HLCS: variants seen among roughly 807,000 people sequenced by gnomAD.
HLCS encodes biotin--protein ligase.
HLCS carries 53 observed loss-of-function variants against 75.0 expected under a neutral mutation model. That is an observed-to-expected ratio of 0.71 (90% CI 0.57 to 0.89). The LOEUF (loss-of-function observed/expected upper bound fraction) is 0.89, where lower values mean the gene tolerates loss of function less well. Among genes scored for constraint, HLCS ranks in the 40% least tolerant of loss-of-function variants. HLCS has a pLI of 0.00. For missense variants in HLCS, 966 were observed against 1,074.0 expected (o/e 0.90, Z 1.41); for synonymous variants, 431 against 428.6 (o/e 1.01, Z -0.07).
At chr21:36,833,886 G>T (rs1238623012) in intron 6 of HLCS, among the ~76,000 whole-genome samples, 3 of 152,178 alleles carry the variant, frequency 2.0e-5, no homozygotes, top group Admixed American at 1.3e-4. Context: ...GGGAAGAGAT[G>T]ATTCTCCTTT....
chr21:36,849,823 A>AT (rs900493103), intron 6 of HLCS, among the ~76,000 whole-genome samples: 16 of 152,348 alleles, frequency 1.1e-4, no homozygotes, highest in Admixed American at 1.0e-3. Context: ...GTTTGCAATC[A>AT]TGAACCTTGA....
chr21:36,977,780 T>G (rs2068981332), intron 1 of HLCS, among the ~76,000 whole-genome samples: 1 of 152,102 alleles, frequency 6.6e-6, no homozygotes, highest in Non-Finnish European at 1.5e-5. Context: ...GTTCCACAGC[T>G]CCAATGCAGG....
At chr21:36,836,254 T>C (rs1276506712) in intron 6 of HLCS, among the ~76,000 whole-genome samples, 14 of 152,118 alleles carry the variant, frequency 9.2e-5, no homozygotes, top group Admixed American at 6.6e-4. Flanking sequence ...AGAGCTACAC[T>C]TACCCTGGGG....
chr21:36,937,121 C>T lies in HLCS; in HGVS notation c.765G>A (p.Glu255=). 6.2e-7 allele frequency: 1 copy of T among 1,614,200 alleles called. No homozygotes were observed. The highest frequency in any genetic ancestry group is 8.5e-7 in the Non-Finnish European group (1 of 1,180,034). ...HYHLHLSSCH[E]CLELENSTIE... ...TGGTGCTGTTCTCAAGTTCCAGACACTCGTGGCAACTAGACAGATGGAGGT... is the reference window on the plus strand; with the variant it reads ...TGGTGCTGTTCTCAAGTTCCAGACATTCGTGGCAACTAGACAGATGGAGGT... The change falls in exon 4 of 11, where the codon GAG becomes GAA. Residue 255 remains glutamate, a synonymous_variant. Coordinates refer to ENST00000674895, the MANE Select transcript of HLCS (RefSeq NM_001352514.2).
rs532623356 is a variant in HLCS at position 36,825,823 on chromosome 21, C to T, written c.1893-58538G>A. Among the ~76,000 whole-genome samples, 3 of 152,326 alleles carry T rather than the reference C, an allele frequency of 2.0e-5. No individual in the cohort carries two copies. The East Asian group carries it at 5.8e-4, about 29-fold the overall frequency. On this transcript the variant is annotated intron_variant, in intron 6 of 10. Coordinates refer to ENST00000674895, the MANE Select transcript of HLCS (RefSeq NM_001352514.2). ...CTAGAACAATTTCACGGATAAAAGACACCTGCTGGTGATATATGACTTCAA... is the reference window on the plus strand; with the variant it reads ...CTAGAACAATTTCACGGATAAAAGATACCTGCTGGTGATATATGACTTCAA...
chr21:36,930,599 C>A (rs2066596255), intron 4 of HLCS, among the ~76,000 whole-genome samples, 166 bp from the exon 5 acceptor site: 1 of 152,008 alleles, frequency 6.6e-6, no homozygotes, highest in Admixed American at 6.6e-5. Context: ...CCCACCTCAG[C>A]CTCCCAAAGT....
chr21:36,853,375 G>A (rs1296812384), intron 6 of HLCS, among the ~76,000 whole-genome samples: 2 of 152,146 alleles, frequency 1.3e-5, no homozygotes, highest in African/African-American at 2.4e-5. Flanking sequence ...AAGTATCCTG[G>A]AAGCGTAAAA....
chr21:36,972,470 T>C (rs2068817325), intron 1 of HLCS, among the ~76,000 whole-genome samples: 1 of 152,144 alleles, frequency 6.6e-6, no homozygotes, highest in South Asian at 2.1e-4. Flanking sequence ...GATTTCAGAA[T>C]TGTTGACAGA....
At chr21:36,948,787 T>C (rs2067535872) in intron 2 of HLCS, among the ~76,000 whole-genome samples, 1 of 145,904 alleles carries the variant, frequency 6.9e-6, no homozygotes, top group African/African-American at 2.6e-5. Flanking sequence ...TTAAGGGTAT[T>C]GGAAAATCAA....
At chr21:36,890,668 A>C (rs114650130) in intron 6 of HLCS, among the ~76,000 whole-genome samples, 1,782 of 152,248 alleles carry the variant, frequency 0.012, 37 homozygotes, top group African/African-American at 0.04. Context: ...CACCAGTACC[A>C]TGGTAGCTCA....
At chr21:36,966,706 C>T (rs2068613745), upstream of HLCS, 1 of 835,126 alleles carries the variant, frequency 1.2e-6, no homozygotes, top group African/African-American at 1.9e-5. Context: ...CGGCCCCGCC[C>T]CGGCCGGAAG....
chr21:36,945,783 TTTTCAAGGGTGAG>T (rs2067363617), intron 2 of HLCS, among the ~76,000 whole-genome samples: 1 of 152,212 alleles, frequency 6.6e-6, no homozygotes, highest in South Asian at 2.1e-4. Flanking sequence ...ACTGAATTGT[TTTTCAAGGGTGAG>T]TTTCATGTGA....
chr21:36,858,266 A>G (rs550990817), intron 6 of HLCS, among the ~76,000 whole-genome samples: 8 of 152,110 alleles, frequency 5.3e-5, no homozygotes, highest in Non-Finnish European at 1.2e-4. Flanking sequence ...TATTTAATTC[A>G]CTCATTTATC....
Position 36,966,425 on chromosome 21 carries a change from G to GGCGCCCCCCCCC in HLCS, c.195+18_195+19insGGGGGGGGGCGC. 1.0e-5 allele frequency: 2 copies of GGCGCCCCCCCCC among 195,438 alleles called. No individual in the cohort carries two copies. Among genetic ancestry groups the GGCGCCCCCCCCC allele is most frequent in the Non-Finnish European group, 1.7e-5 (2 of 116,690 alleles). The allele number at this position is 195,438 out of a possible 1,614,324, so 12.1% of individuals were successfully genotyped here. ...CCGGCTCGCGGGGCCCGGGTCGCCCGCCCGCCCGACCCGCCCACCTGGCTG... is the reference window on the plus strand; with the variant it reads ...CCGGCTCGCGGGGCCCGGGTCGCCCGGCGCCCCCCCCCCCCGCCCGACCCGCCCACCTGGCTG... On this transcript the variant is annotated intron_variant, in intron 1 of 10. Transcript: ENST00000674895.
intron 6 of HLCS, among the ~76,000 whole-genome samples, chr21:36,867,881 C>T (rs547154873): frequency 6.6e-6 from 1 of 152,230 alleles, no homozygotes; most frequent in East Asian, 1.9e-4. Flanking sequence ...GCCTGTAATC[C>T]CAATACTTTT....
intron 6 of HLCS, among the ~76,000 whole-genome samples, chr21:36,874,316 G>A (rs551013240): frequency 6.6e-6 from 1 of 151,956 alleles, no homozygotes; most frequent in East Asian, 1.9e-4. Context: ...GCAGGAGAAT[G>A]GCATGAACCC....
chr21:36,812,798 C>G (rs2145967201), intron 6 of HLCS, among the ~76,000 whole-genome samples: 1 of 152,308 alleles, frequency 6.6e-6, no homozygotes, highest in South Asian at 2.1e-4. Flanking sequence ...GTGGCTCCCA[C>G]CTGTAATCCC....
intron 6 of HLCS, among the ~76,000 whole-genome samples, chr21:36,819,638 C>A (rs1255626982): frequency 6.6e-6 from 1 of 152,054 alleles, no homozygotes; most frequent in Non-Finnish European, 1.5e-5. Context: ...TATCTCTAAT[C>A]CTCACAATCC....
chr21:36,904,192 C>G (rs1468214003), intron 5 of HLCS, among the ~76,000 whole-genome samples: 1 of 152,192 alleles, frequency 6.6e-6, no homozygotes, highest in Non-Finnish European at 1.5e-5. Flanking sequence ...TTCACTCAAA[C>G]TATTCAAACA....
Sources: allele counts gnomAD v4.1 joint callset (sites outside exome capture counted in the v4.1 genomes callset), GRCh38; gene constraint gnomAD v4.1.1; transcripts MANE v1.5; gene names NCBI Gene and HGNC (gene_info 2026-07-23, HGNC 2026-07-21).